CACNB4: variants seen among roughly 807,000 people sequenced by gnomAD.
The protein encoded by CACNB4 is voltage-dependent L-type calcium channel subunit beta-4.
A neutral mutation model predicts 71.2 loss-of-function variants in CACNB4; 32 were observed. That is an observed-to-expected ratio of 0.45 (90% CI 0.34 to 0.60). CACNB4 has a LOEUF of 0.60. Among genes scored for constraint, CACNB4 ranks in the 20% least tolerant of loss-of-function variants. CACNB4 has a pLI of 0.01. For synonymous variants in CACNB4, 231 were observed against 236.9 expected (o/e 0.97, Z 0.23); for missense variants, 464 against 647.9 (o/e 0.72, Z 3.08).
At position 151,971,535 on chromosome 2, in the gene CACNB4, C is replaced by T. The variant is rs759124281; in HGVS notation, c.148-88165G>A. The T allele has an allele frequency of 1.3e-5, 9 of 702,826 alleles. No individual in the cohort carries two copies. The African/African-American group carries it at 1.6e-4, about 12-fold the overall frequency. The allele number at this position is 702,826 out of a possible 1,614,324, so 43.5% of individuals were successfully genotyped here. A position where few individuals can be genotyped will look rare whatever the true frequency, so the allele number is the denominator to read the frequency against. ...GCTCTGCTTCCATCTGGACAACCCC[C>T]CACACTTACAGCCATAAATGCATTG... is the stretch of plus-strand genomic sequence containing the variant. On this transcript the variant is annotated intron_variant, in intron 2 of 13. Coordinates refer to ENST00000539935, the MANE Select transcript of CACNB4 (RefSeq NM_000726.5).
intron 2 of CACNB4, among the ~76,000 whole-genome samples, chr2:152,018,168 T>C (rs16830598): frequency 0.19 from 29,612 of 152,050 alleles, 4,128 homozygotes; most frequent in East Asian, 0.73. Flanking sequence ...TATTTAGTTT[T>C]CAAAATCACA....
chr2:151,974,488 GCT>G lies in CACNB4; in HGVS notation c.148-91120_148-91119del, dbSNP rs139891545. 8.0e-3 allele frequency among the ~76,000 whole-genome samples: 1,223 copies of G among 152,284 alleles called. 12 individuals are homozygous for G. The highest frequency in any genetic ancestry group is 0.028 in the African/African-American group (1,147 of 41,550). ...TCTCTGCCTCACTGGCAAGAAAAGA[GCT>G]CTGTGTCCCAACTGGTGAAGTTTGA... On this transcript the variant is annotated intron_variant, in intron 2 of 13. Transcript: ENST00000539935.
At chr2:152,004,339 G>A (rs1046477007) in intron 2 of CACNB4, among the ~76,000 whole-genome samples, 16 of 152,018 alleles carry the variant, frequency 1.1e-4, no homozygotes, top group Admixed American at 3.3e-4. Flanking sequence ...TCTCCTTTTC[G>A]ATGTTCTGTG....
chr2:151,895,367 T>C (rs1473542905), intron 2 of CACNB4, among the ~76,000 whole-genome samples: 1 of 152,056 alleles, frequency 6.6e-6, no homozygotes, highest in East Asian at 1.9e-4. Context: ...CTCTGGAGTC[T>C]AAGACAAGAG....
chr2:151,968,781 A>C (rs2099871788), intron 2 of CACNB4: 1 of 152,226 alleles, frequency 6.6e-6, no homozygotes, highest in Non-Finnish European at 1.5e-5. Flanking sequence ...GGATTGACTC[A>C]TCATAATCTA....
chr2:152,013,552 G>C (rs1683177294), intron 2 of CACNB4, among the ~76,000 whole-genome samples: 1 of 152,052 alleles, frequency 6.6e-6, no homozygotes, highest in African/African-American at 2.4e-5. Flanking sequence ...TGGAATCCTG[G>C]GGTTCACATA....
intron 2 of CACNB4, among the ~76,000 whole-genome samples, chr2:152,079,576 A>C (rs1687242010): frequency 1.3e-5 from 2 of 151,936 alleles, no homozygotes; most frequent in African/African-American, 4.8e-5. Flanking sequence ...ACTTGAGTCT[A>C]GGAGTTTGAG....
rs1264011517 is a variant in CACNB4, at chr2:151,841,996, G to A, written c.1209C>T (p.His403=). 1.2e-6 allele frequency: 2 copies of A among 1,613,820 alleles called. No homozygotes were observed. The highest frequency in any genetic ancestry group is 1.7e-6 in the Non-Finnish European group (2 of 1,179,738). The change falls in exon 13 of 14, where the codon CAC becomes CAT. Residue 403 remains histidine (H), a synonymous_variant. Transcript: ENST00000539935. The stretch of plus-strand genomic sequence containing the variant: ...GGGTCATGGGTGTGCTACTGGTTGT[G>A]TGGGTGGCACGCCAGTACGCCTCCA... ...EYLEAYWRAT[H]TTSSTPMTPL...
intron 2 of CACNB4, among the ~76,000 whole-genome samples, chr2:152,008,996 A>G (rs1219891689): frequency 6.6e-6 from 1 of 152,154 alleles, no homozygotes; most frequent in African/African-American, 2.4e-5. Flanking sequence ...GAAAATGAAC[A>G]GCGCTTTTAA....
rs2151313251 is a variant in CACNB4 at position 151,839,281 on chromosome 2, A to C, written c.1401T>G (p.Ala467=). The change falls in exon 14 of 14, where the codon GCT becomes GCG. Residue 467 remains alanine, a synonymous_variant. Transcript: ENST00000539935. The part of the protein sequence containing the change: ...TSDENYHNER[A]RKSRNRLSSS... The stretch of plus-strand genomic sequence containing the variant: ...AAGACAAGCGGTTCCTACTCTTCCG[A>C]GCCCTTTCATTGTGATAATTTTCAT... 1.9e-6 allele frequency: 3 copies of C among 1,613,502 alleles called. No homozygotes were observed. In the South Asian group the frequency reaches 3.3e-5, roughly 18 times the overall value.
chr2:151,997,627 G>A (rs1346624345), intron 2 of CACNB4, among the ~76,000 whole-genome samples: 2 of 152,136 alleles, frequency 1.3e-5, no homozygotes, highest in Non-Finnish European at 2.9e-5. Context: ...GTAACCATGA[G>A]CCAAGAAGTC....
In CACNB4 at chr2:152,098,809, A is replaced by AGGGGTGG. The variant is rs1579295359; in HGVS notation, c.63+133_63+139dup. On this transcript the variant is annotated intron_variant, in intron 1 of 13. Transcript: ENST00000539935. The surrounding 1 kb of genome is among the most constrained non-coding windows in gnomAD (Gnocchi z 5.3). ...GCGGGAGGAGAAAGGGACGTGGAGG[A>AGGGGTGG]GGGGTGGGGGGAGCGGGGCCGCCGA... 3 of 379,356 alleles carry AGGGGTGG rather than the reference A, an allele frequency of 7.9e-6. No homozygotes were observed. The Middle Eastern group carries it at 2.6e-3, about 332-fold the overall frequency. The allele number at this position is 379,356 out of a possible 1,614,324, so 23.5% of individuals were successfully genotyped here. A position where few individuals can be genotyped will look rare whatever the true frequency, so the allele number is the denominator to read the frequency against.
chr2:151,928,806 C>T (rs779042494), intron 2 of CACNB4, among the ~76,000 whole-genome samples: 10 of 151,698 alleles, frequency 6.6e-5, no homozygotes, highest in Non-Finnish European at 8.8e-5. Flanking sequence ...TGCCGGTGGT[C>T]CCAGCTGAGG....
rs545503514 is a variant in CACNB4 at position 152,075,790 on chromosome 2, A to G, written c.147+22540T>C. ...AGATCTCAACTACAGGAACTCAGGC[A>G]TCGAATACTGGGCCCCAGACCAAAG... On this transcript the variant is annotated intron_variant, in intron 2 of 13. Transcript: ENST00000539935. Among the ~76,000 whole-genome samples, 292 of 152,320 alleles carry G rather than the reference A, an allele frequency of 1.9e-3. 2 individuals are homozygous for G. Among genetic ancestry groups the G allele is most frequent in the Middle Eastern group, 0.017 (5 of 294 alleles).
chr2:151,887,154 C>T (rs982579303), intron 2 of CACNB4, among the ~76,000 whole-genome samples: 1 of 152,128 alleles, frequency 6.6e-6, no homozygotes, highest in Non-Finnish European at 1.5e-5. Flanking sequence ...GGTTACTAGG[C>T]CTGGCCAAAG....
chr2:152,024,657 T>C (rs980882760), intron 2 of CACNB4, among the ~76,000 whole-genome samples: 2 of 152,238 alleles, frequency 1.3e-5, no homozygotes, highest in African/African-American at 4.8e-5. Context: ...CACAGCATCA[T>C]TGTATATTTC....
rs2099834141 is a variant in CACNB4 at position 151,832,968 on chromosome 2, A to G, written c.*6151T>C. The G allele has an allele frequency of 1.3e-5, 2 of 152,212 alleles. No homozygotes were observed. The highest frequency in any genetic ancestry group is 1.3e-4 in the Admixed American group (2 of 15,284). The allele number at this position is 152,212 out of a possible 1,614,324, so 9.4% of individuals were successfully genotyped here. On this transcript the variant is annotated 3_prime_UTR_variant, in exon 14 of 14. Coordinates refer to ENST00000539935, the MANE Select transcript of CACNB4 (RefSeq NM_000726.5). Reference sequence around the variant, plus strand: ...AAAGCCACTAAAGCAGAGGGAGAACAAAACATGCAGCACTGTACACATTTG... The same window carrying G: ...AAAGCCACTAAAGCAGAGGGAGAACGAAACATGCAGCACTGTACACATTTG...
At chr2:151,932,691 G>A (rs191878006) in intron 2 of CACNB4, among the ~76,000 whole-genome samples, 60 of 152,058 alleles carry the variant, frequency 3.9e-4, no homozygotes, top group African/African-American at 1.2e-3. Flanking sequence ...AAAAATTAGC[G>A]TGGTGGCGTG....
chr2:152,001,476 G>A (rs561064581), intron 2 of CACNB4, among the ~76,000 whole-genome samples: 5 of 145,238 alleles, frequency 3.4e-5, no homozygotes, highest in African/African-American at 1.3e-4. Flanking sequence ...ATCACCTGAG[G>A]TCAGGAGTTC....
Sources: gnomAD v4.1 joint callset for allele counts (sites outside exome capture counted in the v4.1 genomes callset) on GRCh38, gnomAD v4.1.1 for gene constraint, Gnocchi (gnomAD v3.1) non-coding constraint, MANE v1.5 for transcripts, NCBI Gene and HGNC (gene_info 2026-07-23, HGNC 2026-07-21) for gene names.